The following SUSD4 variants were observed in gnomAD, a reference collection of about 807,000 sequenced individuals.
SUSD4 encodes sushi domain-containing protein 4.
In SUSD4, 41 loss-of-function variants were observed where a neutral mutation model predicts 50.5. That is an observed-to-expected ratio of 0.81 (90% CI 0.63 to 1.05). The LOEUF (loss-of-function observed/expected upper bound fraction) is 1.05. SUSD4 is among the 50% of genes least tolerant of loss of function. SUSD4 has a pLI of 0.00. For synonymous variants in SUSD4, 257 were observed against 257.3 expected, an observed-to-expected ratio of 1.00 and a Z score of 0.01; for missense variants, 580 against 634.7, an observed-to-expected ratio of 0.91 and a Z score of 0.93.
At chr1:223,239,483 A>G (rs1450677155) in intron 5 of SUSD4, among the ~76,000 whole-genome samples, 4 of 151,948 alleles carry the variant, frequency 2.6e-5, no homozygotes, top group Admixed American at 6.6e-5. Context: ...ATTTTATCTG[A>G]TTACATTTTC....
chr1:223,335,802 G>A (rs967468872), intron 2 of SUSD4, among the ~76,000 whole-genome samples: 1 of 152,182 alleles, frequency 6.6e-6, no homozygotes, highest in Non-Finnish European at 1.5e-5. Context: ...CAACTGAGAC[G>A]GTGATCAGAG....
At chr1:223,305,385 C>A (rs1362999515) in intron 2 of SUSD4, among the ~76,000 whole-genome samples, 1 of 152,026 alleles carries the variant, frequency 6.6e-6, no homozygotes, top group East Asian at 1.9e-4. Flanking sequence ...AATGGGAACA[C>A]CAAGGATTCT....
intron 2 of SUSD4, among the ~76,000 whole-genome samples, chr1:223,355,417 G>A (rs1668606920): frequency 6.6e-6 from 1 of 151,440 alleles, no homozygotes; most frequent in African/African-American, 2.4e-5. Context: ...CGGGGTTTTT[G>A]CATGTTGCCC....
intron 5 of SUSD4, among the ~76,000 whole-genome samples, chr1:223,244,624 T>C (rs1283956727): frequency 6.6e-6 from 1 of 152,088 alleles, no homozygotes; most frequent in African/African-American, 2.4e-5. Flanking sequence ...TGCTACAGAT[T>C]GGATTCTACC....
intron 5 of SUSD4, among the ~76,000 whole-genome samples, chr1:223,238,516 C>A (rs1660368142): frequency 6.6e-6 from 1 of 151,946 alleles, no homozygotes; most frequent in South Asian, 2.1e-4. Context: ...GCTTTCACTG[C>A]ACCCCACAAA....
Position 223,227,283 on chromosome 1 carries a change from G to A in SUSD4, c.1061+311C>T, listed in dbSNP as rs1171124957. On this transcript the variant is annotated intron_variant, in intron 7 of 8. Transcript: ENST00000366878. The surrounding 1 kb of genome is among the most constrained non-coding windows in gnomAD (Gnocchi z 4.5). ...GGGCCACATGCAGGGGGACCACAGT[G>A]GGAATGGTGCCTCTGGGTGGAGCAG... Among the ~76,000 whole-genome samples, 1 of 152,144 alleles carries A rather than the reference G, an allele frequency of 6.6e-6. No individual in the cohort carries two copies. Among genetic ancestry groups the A allele is most frequent in the Non-Finnish European group, 1.5e-5 (1 of 68,028 alleles).
At chr1:223,339,673 T>C (rs574843247) in intron 2 of SUSD4, among the ~76,000 whole-genome samples, 25 of 152,336 alleles carry the variant, frequency 1.6e-4, no homozygotes, top group African/African-American at 5.1e-4. Flanking sequence ...TCCTCCCAGA[T>C]CTACCTTCTC....
chr1:223,228,789 T>C (rs1185733481), intron 6 of SUSD4, among the ~76,000 whole-genome samples: 1 of 151,870 alleles, frequency 6.6e-6, no homozygotes, highest in Non-Finnish European at 1.5e-5. Context: ...CAGGCCTGTG[T>C]CCTTACCAGT....
At chr1:223,271,398 G>T (rs1662912548) in intron 3 of SUSD4, among the ~76,000 whole-genome samples, 1 of 152,162 alleles carries the variant, frequency 6.6e-6, no homozygotes, top group Non-Finnish European at 1.5e-5. Flanking sequence ...ATGGCATGGG[G>T]ACTATTGCAG....
intron 2 of SUSD4, among the ~76,000 whole-genome samples, chr1:223,342,960 T>A (rs2103304890): frequency 1.3e-5 from 2 of 152,290 alleles, no homozygotes; most frequent in Middle Eastern, 3.4e-3. Flanking sequence ...AAAGGTCAAA[T>A]ATTTGAAAAG....
intron 5 of SUSD4, among the ~76,000 whole-genome samples, chr1:223,262,715 T>C (rs968621051): frequency 6.6e-6 from 1 of 152,178 alleles, no homozygotes; most frequent in African/African-American, 2.4e-5. Context: ...TAGCCAGTGT[T>C]GCATTGAAAG....
chr1:223,306,963 G>T lies in SUSD4; in HGVS notation c.149-14312C>A, dbSNP rs200994218. On this transcript the variant is annotated intron_variant, in intron 2 of 8. Coordinates refer to ENST00000366878, the MANE Select transcript of SUSD4 (RefSeq NM_017982.4). ...GGCATATGGATGAGTTTTTTTTTTTGGGGGGGGGTGTCCCTTCCACTTCTA... is the reference window on the plus strand; with the variant it reads ...GGCATATGGATGAGTTTTTTTTTTTTGGGGGGGGTGTCCCTTCCACTTCTA... 0.012 allele frequency among the ~76,000 whole-genome samples: 1,221 copies of T among 104,188 alleles called. 50 individuals are homozygous for T. The East Asian group carries it at 0.15, about 13-fold the overall frequency. 68.4% of individuals were successfully genotyped at this position (104,188 alleles called of 152,430 possible). A position where few individuals can be genotyped will look rare whatever the true frequency, so the allele number is the denominator to read the frequency against.
At chr1:223,365,040 TC>T (rs969038862), upstream of SUSD4, among the ~76,000 whole-genome samples, 1 of 151,822 alleles carries the variant, frequency 6.6e-6, no homozygotes, top group African/African-American at 2.4e-5. Flanking sequence ...TGGGAGGCGC[TC>T]CCGGGGGCGG....
intron 5 of SUSD4, among the ~76,000 whole-genome samples, chr1:223,261,881 A>C (rs1214504454): frequency 6.6e-6 from 1 of 152,200 alleles, no homozygotes; most frequent in Non-Finnish European, 1.5e-5. Context: ...TTGTTATTTC[A>C]CTGACTCTTC....
chr1:223,259,773 C>T (rs1294059316), intron 5 of SUSD4, among the ~76,000 whole-genome samples: 1 of 152,106 alleles, frequency 6.6e-6, no homozygotes, highest in East Asian at 1.9e-4. Flanking sequence ...TGTCTGTGTC[C>T]ATCCCTGCAA....
At chr1:223,247,184 G>T (rs893242654) in intron 5 of SUSD4, among the ~76,000 whole-genome samples, 84 of 152,158 alleles carry the variant, frequency 5.5e-4, no homozygotes, top group African/African-American at 2.0e-3. Context: ...AGAGGCTGCT[G>T]GTTGCTCACC....
At chr1:223,339,646 TG>T (rs1667645486) in intron 2 of SUSD4, among the ~76,000 whole-genome samples, 1 of 152,234 alleles carries the variant, frequency 6.6e-6, no homozygotes, top group Non-Finnish European at 1.5e-5. Flanking sequence ...CACCTTTTAA[TG>T]GTATGATTTC....
At chr1:223,281,994 AT>A (rs1317699312) in intron 3 of SUSD4, among the ~76,000 whole-genome samples, 1 of 152,210 alleles carries the variant, frequency 6.6e-6, no homozygotes, top group Non-Finnish European at 1.5e-5. Flanking sequence ...AAACCACATG[AT>A]TATCTCAATA....
At chr1:223,348,161 C>A (rs1365553615) in intron 2 of SUSD4, among the ~76,000 whole-genome samples, 1 of 152,016 alleles carries the variant, frequency 6.6e-6, no homozygotes, top group Non-Finnish European at 1.5e-5. Context: ...ACACTAGAAG[C>A]AGTAGCATAA....
Sources: gnomAD v4.1 joint callset for allele counts (sites outside exome capture counted in the v4.1 genomes callset) on GRCh38, gnomAD v4.1.1 for gene constraint, Gnocchi (gnomAD v3.1) non-coding constraint, MANE v1.5 for transcripts, NCBI Gene and HGNC (gene_info 2026-07-23, HGNC 2026-07-21) for gene names.